DACH1: variants seen among roughly 807,000 people sequenced by gnomAD.
The protein encoded by DACH1 is dachshund family transcription factor 1.
DACH1 carries 12 observed loss-of-function variants against 54.2 expected under a neutral mutation model. The observed-to-expected ratio is 0.22, with a 90% CI of 0.14 to 0.36. DACH1 has a LOEUF of 0.36. Among genes scored for constraint, DACH1 ranks in the 10% least tolerant of loss-of-function variants. The pLI is 1.00. For missense variants in DACH1, 805 were observed against 929.8 expected, an observed-to-expected ratio of 0.87 and a Z score of 1.75; for synonymous variants, 386 against 366.2, an observed-to-expected ratio of 1.05 and a Z score of -0.62.
chr13:71,866,361 T>TAC lies in DACH1; in HGVS notation c.408_409insGT (p.Ser137ValfsTer58). 6.6e-7 allele frequency: 1 copy of TAC among 1,520,300 alleles called. No homozygotes were observed. The highest frequency in any genetic ancestry group is 8.8e-7 in the Non-Finnish European group (1 of 1,132,008). The allele number at this position is 1,520,300 out of a possible 1,614,324, so 94.2% of individuals were successfully genotyped here. Reference sequence around the variant, plus strand: ...CTGCTGCTGCTGCTGCTGCCGGTGCTGGCGTTGATGGGGGTGCTGGAAGCG... The same window carrying TAC: ...CTGCTGCTGCTGCTGCTGCCGGTGCTACGGCGTTGATGGGGGTGCTGGAAGCG... On this transcript the variant is annotated frameshift_variant, in exon 1 of 11. Transcript: ENST00000613252. LOFTEE classifies it high-confidence loss of function.
intron 6 of DACH1, among the ~76,000 whole-genome samples, chr13:71,510,354 C>G (rs549710308): frequency 2.2e-4 from 34 of 152,072 alleles, no homozygotes; most frequent in Admixed American, 8.5e-4. Context: ...GAAGTGCCCT[C>G]ATCTCTGGAC....
chr13:71,491,508 T>C (rs1027855655), intron 6 of DACH1, among the ~76,000 whole-genome samples: 4 of 152,286 alleles, frequency 2.6e-5, no homozygotes, highest in African/African-American at 7.2e-5. Context: ...ACTTATCTAA[T>C]TGGATTCCTT....
chr13:71,620,485 G>A (rs1210616110), intron 3 of DACH1, among the ~76,000 whole-genome samples: 1 of 151,676 alleles, frequency 6.6e-6, no homozygotes, highest in Non-Finnish European at 1.5e-5. Flanking sequence ...ACATAATAGG[G>A]TCATAGAATC....
intron 4 of DACH1, among the ~76,000 whole-genome samples, chr13:71,569,220 G>A (rs1409828130): frequency 6.6e-6 from 1 of 151,878 alleles, no homozygotes; most frequent in African/African-American, 2.4e-5. Flanking sequence ...TTTAGTTTGA[G>A]CTGCTTCAGT....
chr13:71,685,412 G>T (rs1404777997), intron 1 of DACH1, among the ~76,000 whole-genome samples: 2 of 152,180 alleles, frequency 1.3e-5, no homozygotes, highest in African/African-American at 2.4e-5. Context: ...ATGCCTTTGC[G>T]AAGAATGAAA....
At chr13:71,667,366 T>C (rs1238498137) in intron 2 of DACH1, among the ~76,000 whole-genome samples, 2 of 152,296 alleles carry the variant, frequency 1.3e-5, no homozygotes, top group African/African-American at 4.8e-5. Flanking sequence ...ACAGTCAACA[T>C]ATTCAAGGTA....
At chr13:71,663,988 T>C (rs74096991) in intron 2 of DACH1, among the ~76,000 whole-genome samples, 2,012 of 151,982 alleles carry the variant, frequency 0.013, 39 homozygotes, top group African/African-American at 0.045. Flanking sequence ...CTTAGTTAGG[T>C]TGCAAATACC....
intron 4 of DACH1, among the ~76,000 whole-genome samples, chr13:71,564,214 T>A (rs769095082): frequency 6.6e-6 from 1 of 151,990 alleles, no homozygotes; most frequent in Non-Finnish European, 1.5e-5. Flanking sequence ...TCAGACATAA[T>A]AAGAAAGAAG....
chr13:71,481,408 CTAA>C (rs1419877601), intron 7 of DACH1, among the ~76,000 whole-genome samples: 1 of 152,166 alleles, frequency 6.6e-6, no homozygotes, highest in Non-Finnish European at 1.5e-5. Flanking sequence ...AACTGCAACT[CTAA>C]TTTGTGTAAT....
At chr13:71,561,335 T>A (rs1216288627) in intron 4 of DACH1, among the ~76,000 whole-genome samples, 1 of 152,214 alleles carries the variant, frequency 6.6e-6, no homozygotes, top group Non-Finnish European at 1.5e-5. Flanking sequence ...ACTTGAAAAC[T>A]GAGTCTTTGC....
chr13:71,467,971 ATTTG>A (rs1004584589), intron 10 of DACH1, among the ~76,000 whole-genome samples: 1 of 152,098 alleles, frequency 6.6e-6, no homozygotes, highest in Non-Finnish European at 1.5e-5. Flanking sequence ...TTTAGTCCTG[ATTTG>A]TTTGTTTGTT....
intron 1 of DACH1, among the ~76,000 whole-genome samples, chr13:71,788,335 A>C (rs948765941): frequency 6.6e-6 from 1 of 152,146 alleles, no homozygotes; most frequent in African/African-American, 2.4e-5. Flanking sequence ...TTAGTCTATA[A>C]AGACTCTTAT....
At chr13:71,829,341 T>C (rs1888499573) in intron 1 of DACH1, among the ~76,000 whole-genome samples, 1 of 151,882 alleles carries the variant, frequency 6.6e-6, no homozygotes, top group African/African-American at 2.4e-5. Flanking sequence ...TTTTGAAAAA[T>C]AGAATAGAAT....
chr13:71,554,790 A>T lies in DACH1; in HGVS notation c.1570+2234T>A, dbSNP rs976124043. ...AGCAAATACTTTAAAACATGCCTAG[A>T]TCATCAACCTAGTATATTATTTCAA... On this transcript the variant is annotated intron_variant, in intron 6 of 10. Coordinates refer to ENST00000613252, the MANE Select transcript of DACH1 (RefSeq NM_080759.6). 2.0e-5 allele frequency among the ~76,000 whole-genome samples: 3 copies of T among 152,226 alleles called. No homozygotes were observed. In the South Asian group the frequency reaches 6.2e-4, roughly 32 times the overall value.
intron 1 of DACH1, among the ~76,000 whole-genome samples, chr13:71,714,521 G>A (rs898312222): frequency 2.4e-4 from 37 of 152,128 alleles, no homozygotes; most frequent in African/African-American, 7.9e-4. Flanking sequence ...TTTTGTAGGT[G>A]TAGGTTTACA....
Position 71,792,339 on chromosome 13 carries a change from T to TACACACAC in DACH1, c.848+73575_848+73582dup, listed in dbSNP as rs140037316. 1.1e-3 allele frequency among the ~76,000 whole-genome samples: 159 copies of TACACACAC among 148,526 alleles called. 1 individual carries two copies. Among genetic ancestry groups the TACACACAC allele is most frequent in the African/African-American group, 3.6e-3 (146 of 40,638 alleles). On this transcript the variant is annotated intron_variant, in intron 1 of 10. Transcript: ENST00000613252. ...TGTGAGTTCTAAAATAAGTGTTTTG[T>TACACACAC]ACACACACACACACACACACACACA...
chr13:71,519,035 G>A (rs184636861), intron 6 of DACH1, among the ~76,000 whole-genome samples: 5 of 151,978 alleles, frequency 3.3e-5, no homozygotes, highest in Admixed American at 6.6e-5. Flanking sequence ...TACAACAGGA[G>A]AGTCGAGTAG....
chr13:71,515,972 C>A (rs1881129976), intron 6 of DACH1, among the ~76,000 whole-genome samples: 1 of 151,836 alleles, frequency 6.6e-6, no homozygotes, highest in African/African-American at 2.4e-5. Context: ...ATTCTGCCCT[C>A]CAACTTAAGA....
At chr13:71,599,187 T>C (rs558570059) in intron 3 of DACH1, among the ~76,000 whole-genome samples, 1 of 152,044 alleles carries the variant, frequency 6.6e-6, no homozygotes, top group African/African-American at 2.4e-5. Flanking sequence ...AAAAAATGAG[T>C]TTTAACAGAA....
Sources: gnomAD v4.1 joint callset for allele counts (sites outside exome capture counted in the v4.1 genomes callset) on GRCh38, gnomAD v4.1.1 for gene constraint, MANE v1.5 for transcripts, NCBI Gene and HGNC (gene_info 2026-07-23, HGNC 2026-07-21) for gene names.